Variants in CHSY3 observed in about 807,000 individuals in gnomAD.
The protein encoded by CHSY3 is N-acetylgalactosaminyl-proteoglycan 3-beta-glucuronosyltransferase 3.
A neutral mutation model predicts 67.2 loss-of-function variants in CHSY3; 35 were observed. That is an observed-to-expected ratio of 0.52 (90% CI 0.40 to 0.69). CHSY3 has a LOEUF of 0.69. CHSY3 is among the 30% of genes least tolerant of loss of function. The pLI, the probability that CHSY3 is intolerant of heterozygous loss-of-function variation, is 0.00. For missense variants in CHSY3, 1,069 were observed against 1,138.5 expected (o/e 0.94, Z 0.88); for synonymous variants, 474 against 434.7 (o/e 1.09, Z -1.12).
At chr5:129,993,506 G>A (rs955353504) in intron 2 of CHSY3, among the ~76,000 whole-genome samples, 33 of 152,048 alleles carry the variant, frequency 2.2e-4, no homozygotes, top group Non-Finnish European at 4.6e-4. Context: ...TTTAAAGTCT[G>A]TTTTATCAGA....
chr5:130,079,144 A>G (rs532920196), intron 2 of CHSY3, among the ~76,000 whole-genome samples: 1 of 152,104 alleles, frequency 6.6e-6, no homozygotes, highest in Admixed American at 6.6e-5. Flanking sequence ...TTTCTCTTGT[A>G]TGCCTCAGAG....
intron 2 of CHSY3, among the ~76,000 whole-genome samples, chr5:130,007,919 G>C (rs1580642878): frequency 6.6e-6 from 1 of 152,072 alleles, no homozygotes; most frequent in Non-Finnish European, 1.5e-5. Context: ...ATGTTCATAT[G>C]GGGCACATCT....
At chr5:129,979,124 T>C (rs945960803) in intron 2 of CHSY3, among the ~76,000 whole-genome samples, 2 of 134,788 alleles carry the variant, frequency 1.5e-5, no homozygotes, top group African/African-American at 5.7e-5. Flanking sequence ...AGCGTGAACC[T>C]GGGAGGCAGA....
At chr5:130,040,869 T>C (rs1764989087) in intron 2 of CHSY3, among the ~76,000 whole-genome samples, 1 of 152,090 alleles carries the variant, frequency 6.6e-6, no homozygotes. Context: ...CCTATATGGT[T>C]CAATACAAAA....
At chr5:130,172,305 TTTTTCTTTTC>T (rs200636071) in intron 2 of CHSY3, among the ~76,000 whole-genome samples, 472 of 38,756 alleles carry the variant, frequency 0.012, 27 homozygotes, top group African/African-American at 0.019. Flanking sequence ...TTAACTCTTT[TTTTTCTTTTC>T]TTTTCTTTTC....
intron 2 of CHSY3, among the ~76,000 whole-genome samples, chr5:130,117,654 T>C (rs945725986): frequency 2.4e-4 from 36 of 152,362 alleles, no homozygotes; most frequent in African/African-American, 8.4e-4. Flanking sequence ...TTTGTAAAGA[T>C]GTTAATTTTT....
chr5:129,969,074 G>T (rs534326463), intron 2 of CHSY3, among the ~76,000 whole-genome samples: 119 of 151,880 alleles, frequency 7.8e-4, no homozygotes, highest in African/African-American at 2.7e-3. Flanking sequence ...GTTATGTACT[G>T]GTATATATTT....
In CHSY3 at chr5:130,184,671, C is replaced by T. The variant is rs774807720; in HGVS notation, c.1529C>T (p.Ala510Val). The change falls in exon 3 of 3, where the codon GCC becomes GTC. Residue 510 changes from alanine (A) to valine (V), a missense_variant. Ala to Val is a moderately conservative substitution (Grantham distance 64). This residue lies in a region of CHSY3 where 401 missense variants were observed against 395.2 expected (regional missense o/e 1.01). Transcript: ENST00000305031. The stretch of plus-strand genomic sequence containing the variant: ...GTGATGGAGATGATCAATGAGAATG[C>T]CAAGAGCAGAGGACGGCTCATTGAC... The part of the protein sequence containing the change: ...LQVMEMINEN[A>V]KSRGRLIDFK... The T allele has an allele frequency of 3.1e-6, 5 of 1,605,450 alleles. No individual in the cohort carries two copies. Among genetic ancestry groups the T allele is most frequent in the African/African-American group, 2.7e-5 (2 of 74,726 alleles).
intron 2 of CHSY3, among the ~76,000 whole-genome samples, chr5:129,914,994 A>G (rs1056724073): frequency 6.6e-6 from 1 of 152,206 alleles, no homozygotes; most frequent in Non-Finnish European, 1.5e-5. Context: ...ATTCCAGGTC[A>G]GTTTCCTACT....
chr5:129,952,879 A>T lies in CHSY3; in HGVS notation c.1086+44519A>T, dbSNP rs572005360. 4.8e-4 allele frequency among the ~76,000 whole-genome samples: 73 copies of T among 152,224 alleles called. 1 individual carries two copies. Among genetic ancestry groups the T allele is most frequent in the Admixed American group, 1.8e-3 (27 of 15,276 alleles). ...TTTAATCATCAAACACTGTAAGGTGAATATTATTGTCCCCATTTTTAAAAT... is the reference window on the plus strand; with the variant it reads ...TTTAATCATCAAACACTGTAAGGTGTATATTATTGTCCCCATTTTTAAAAT... On this transcript the variant is annotated intron_variant, in intron 2 of 2. Transcript: ENST00000305031.
intron 2 of CHSY3, among the ~76,000 whole-genome samples, chr5:130,076,854 A>G (rs1030069815): frequency 4.0e-5 from 6 of 151,532 alleles, no homozygotes; most frequent in African/African-American, 1.2e-4. Context: ...AGAACAAAAA[A>G]CCAAACACCG....
chr5:130,012,702 A>G (rs762483625), intron 2 of CHSY3, among the ~76,000 whole-genome samples: 1 of 152,116 alleles, frequency 6.6e-6, no homozygotes, highest in African/African-American at 2.4e-5. Flanking sequence ...ACTTCCCACA[A>G]GATTCCTCGT....
At chr5:130,014,828 A>C (rs1003543411) in intron 2 of CHSY3, among the ~76,000 whole-genome samples, 2 of 152,200 alleles carry the variant, frequency 1.3e-5, no homozygotes, top group Non-Finnish European at 2.9e-5. Context: ...CTCCCAGAGC[A>C]ATTACAACAA....
Position 130,185,101 on chromosome 5 carries a change from G to A in CHSY3, c.1959G>A (p.Lys653=), listed in dbSNP as rs779727508. 1.9e-6 allele frequency: 3 copies of A among 1,600,208 alleles called. No homozygotes were observed. Among genetic ancestry groups the A allele is most frequent in the Non-Finnish European group, 2.6e-6 (3 of 1,167,508 alleles). The change falls in exon 3 of 3, where the codon AAG becomes AAA. Residue 653 remains lysine, a synonymous_variant. Coordinates refer to ENST00000305031, the MANE Select transcript of CHSY3 (RefSeq NM_175856.5). The part of the protein sequence containing the change: ...NMCLIPKQNV[K]LVIILFSRDS... ...GTCTTATCCCAAAGCAGAATGTAAA[G>A]TTGGTCATTATCCTTTTCAGTAGGG...
intron 2 of CHSY3, among the ~76,000 whole-genome samples, chr5:130,057,495 G>T (rs1428702733): frequency 6.6e-6 from 1 of 152,054 alleles, no homozygotes; most frequent in Non-Finnish European, 1.5e-5. Flanking sequence ...TTAATGTGAT[G>T]CTTTTAGAAG....
chr5:129,928,368 GTT>G (rs935398673), intron 2 of CHSY3, among the ~76,000 whole-genome samples: 80 of 152,038 alleles, frequency 5.3e-4, no homozygotes, highest in African/African-American at 1.9e-3. Context: ...AATAAAACAA[GTT>G]TTTTTATTTA....
At chr5:129,973,373 G>A (rs1387805996) in intron 2 of CHSY3, among the ~76,000 whole-genome samples, 1 of 152,038 alleles carries the variant, frequency 6.6e-6, no homozygotes, top group Non-Finnish European at 1.5e-5. Flanking sequence ...AATGAACTGA[G>A]AAAATTTTGC....
At chr5:130,125,454 G>GATAGATAGATAT (rs1278865041) in intron 2 of CHSY3, among the ~76,000 whole-genome samples, 2 of 150,996 alleles carry the variant, frequency 1.3e-5, no homozygotes, top group African/African-American at 4.9e-5. Context: ...TAGATAGATA[G>GATAGATAGATAT]ACAGACAGAC....
intron 2 of CHSY3, among the ~76,000 whole-genome samples, chr5:129,970,398 TTAGATAGATAGATAGATAGATAGA>T (rs59639782): frequency 6.9e-6 from 1 of 145,634 alleles, no homozygotes; most frequent in South Asian, 2.2e-4. Flanking sequence ...GAGGAACAGA[TTAGATAGATAGATAGATAGATAGA>T]TAGATAGATA....
Sources: gnomAD v4.1 joint callset for allele counts (sites outside exome capture counted in the v4.1 genomes callset) on GRCh38, gnomAD v4.1.1 for gene constraint, gnomAD v4.1.1 regional missense constraint, MANE v1.5 for transcripts, NCBI Gene and HGNC (gene_info 2026-07-23, HGNC 2026-07-21) for gene names.